PDE1A: variants seen among roughly 807,000 people sequenced by gnomAD.
The protein encoded by PDE1A is phosphodiesterase 1A.
Under a neutral mutation model 61.7 loss-of-function variants are expected in PDE1A, and 35 were observed. The observed-to-expected ratio is 0.57, with a 90% confidence interval of 0.43 to 0.75. PDE1A has a LOEUF of 0.75. PDE1A is among the 30% of genes least tolerant of loss of function. The probability of loss-of-function intolerance (pLI) is 0.00; values close to 1 mark genes in which losing one functional copy is unlikely to be tolerated. For synonymous variants in PDE1A, 232 were observed against 213.2 expected, an observed-to-expected ratio of 1.09 and a Z score of -0.77; for missense variants, 597 against 630.6, an observed-to-expected ratio of 0.95 and a Z score of 0.57.
At chr2:182,274,475 G>A (rs1367157343) in intron 1 of PDE1A, among the ~76,000 whole-genome samples, 1 of 152,008 alleles carries the variant, frequency 6.6e-6, no homozygotes, top group Non-Finnish European at 1.5e-5. Context: ...GAGCATAGAA[G>A]TCCTTCTGTT....
At chr2:182,560,098 A>G in the PDE1A span, among the ~76,000 whole-genome samples, 1 of 150,794 alleles carries the variant, frequency 6.6e-6, no homozygotes, top group African/African-American at 2.4e-5. Flanking sequence ...GTTTTAGGGT[A>G]CATGTGCACA....
the PDE1A span, among the ~76,000 whole-genome samples, chr2:182,552,537 G>A: frequency 6.7e-6 from 1 of 149,446 alleles, no homozygotes; most frequent in Non-Finnish European, 1.5e-5. Context: ...TGAGAGACAG[G>A]ACTAGCTGGA....
intron 13 of PDE1A, among the ~76,000 whole-genome samples, chr2:182,151,116 T>G (rs1425641626): frequency 6.6e-6 from 1 of 152,168 alleles, no homozygotes; most frequent in Non-Finnish European, 1.5e-5. Flanking sequence ...AGACAAAGTT[T>G]TGCTCTTGTT....
the PDE1A span, among the ~76,000 whole-genome samples, chr2:182,681,510 C>T: frequency 6.7e-6 from 1 of 148,932 alleles, no homozygotes; most frequent in African/African-American, 2.5e-5. Context: ...ACAAAAAAAA[C>T]CTGACAGCTG....
chr2:182,146,947 G>A, downstream of PDE1A: 3 of 505,824 alleles, frequency 5.9e-6, no homozygotes, highest in Non-Finnish European at 1.0e-5. Context: ...CTCTAGGAGG[G>A]CATTTAAATA....
At chr2:182,175,022 G>T (rs1189631400) in intron 13 of PDE1A, among the ~76,000 whole-genome samples, 2 of 152,046 alleles carry the variant, frequency 1.3e-5, no homozygotes, top group East Asian at 3.9e-4. Context: ...GTGTTAGTTT[G>T]CTGAGAATGA....
the PDE1A span, among the ~76,000 whole-genome samples, chr2:182,561,410 T>C: frequency 1.1e-3 from 175 of 152,226 alleles, 1 homozygote; most frequent in African/African-American, 3.8e-3. Context: ...GTTCCATTGA[T>C]CTATATCTCT....
chr2:182,594,839 A>C, the PDE1A span, among the ~76,000 whole-genome samples: 1 of 152,180 alleles, frequency 6.6e-6, no homozygotes, highest in East Asian at 1.9e-4. Flanking sequence ...ATAACACTGG[A>C]CCAGGTCCTG....
exon 7 of PDE1A, chr2:182,223,911 A>G: frequency 6.2e-7 from 1 of 1,605,080 alleles, no homozygotes; most frequent in South Asian, 1.1e-5. Context: ...GCTCATAATC[A>G]TGAATGGCAG....
At chr2:182,535,621 C>T in the PDE1A span, among the ~76,000 whole-genome samples, 1 of 152,010 alleles carries the variant, frequency 6.6e-6, no homozygotes, top group East Asian at 1.9e-4. Flanking sequence ...TGATCTTTTG[C>T]TTTCTCTTTT....
the PDE1A span, among the ~76,000 whole-genome samples, chr2:182,617,316 CAT>C: frequency 6.6e-6 from 1 of 152,158 alleles, no homozygotes; most frequent in Non-Finnish European, 1.5e-5. Flanking sequence ...ACACCCCACA[CAT>C]GTTGTCACAC....
intron 2 of PDE1A, among the ~76,000 whole-genome samples, chr2:182,458,551 A>G (rs1220660560): frequency 6.6e-6 from 1 of 152,062 alleles, no homozygotes; most frequent in Non-Finnish European, 1.5e-5. Flanking sequence ...TGTTAATTAA[A>G]TCTTCCCAAT....
chr2:182,655,490 G>A, the PDE1A span, among the ~76,000 whole-genome samples: 1 of 152,158 alleles, frequency 6.6e-6, no homozygotes, highest in African/African-American at 2.4e-5. Context: ...TGCATACCTA[G>A]TTCCTGTTGG....
chr2:182,419,279 G>A (rs1469993636), intron 1 of PDE1A, among the ~76,000 whole-genome samples: 1 of 149,698 alleles, frequency 6.7e-6, no homozygotes, highest in Non-Finnish European at 1.5e-5. Flanking sequence ...TTATATACAA[G>A]TTATCAGTAC....
intron 1 of PDE1A, among the ~76,000 whole-genome samples, chr2:182,375,071 G>C (rs997776407): frequency 1.3e-5 from 2 of 152,144 alleles, no homozygotes; most frequent in African/African-American, 4.8e-5. Context: ...TCTTCCACCA[G>C]GTCCCTGACT....
At position 182,413,000 on chromosome 2, in the gene PDE1A, C is replaced by T. The variant is rs149286464; in HGVS notation, c.53+13578G>A. ...TTTGAATTAGGACTTGAAGCATGGA[C>T]GAGGACAGAGACCAGTTCAGACAAA... is the stretch of plus-strand genomic sequence containing the variant. On this transcript the variant is annotated intron_variant, in intron 1 of 13. Transcript: ENST00000351439. 4.3e-4 allele frequency among the ~76,000 whole-genome samples: 66 copies of T among 152,134 alleles called. No individual in the cohort carries two copies. The East Asian group carries it at 9.3e-3, about 21-fold the overall frequency.
At chr2:182,315,359 GAC>G (rs942610546) in intron 1 of PDE1A, among the ~76,000 whole-genome samples, 12 of 152,230 alleles carry the variant, frequency 7.9e-5, no homozygotes, top group African/African-American at 2.6e-4. Context: ...TGAAGCTATT[GAC>G]ACAGAGTTTC....
the PDE1A span, among the ~76,000 whole-genome samples, chr2:182,592,927 G>A: frequency 6.6e-6 from 1 of 152,158 alleles, no homozygotes; most frequent in Non-Finnish European, 1.5e-5. Flanking sequence ...AAACGACGAG[G>A]TGACCCAGAG....
intron 13 of PDE1A, among the ~76,000 whole-genome samples, chr2:182,177,989 T>G (rs977590007): frequency 1.3e-5 from 2 of 152,198 alleles, no homozygotes; most frequent in Non-Finnish European, 2.9e-5. Context: ...AATTTAGTAA[T>G]CAAATATTGT....
Sources: allele counts gnomAD v4.1 joint callset (sites outside exome capture counted in the v4.1 genomes callset), GRCh38; gene constraint gnomAD v4.1.1; transcripts MANE v1.5; gene names NCBI Gene and HGNC (gene_info 2026-07-23, HGNC 2026-07-21).